The following TENM2 variants were observed in gnomAD, a reference collection of about 807,000 sequenced individuals.
TENM2 encodes the protein teneurin transmembrane protein 2.
TENM2 carries 52 observed loss-of-function variants against 245.2 expected under a neutral mutation model. That is an observed-to-expected ratio of 0.21 (90% CI 0.17 to 0.27). TENM2 has a LOEUF of 0.27. Ranked by LOEUF, TENM2 falls within the 10% of genes least tolerant of loss-of-function variation. TENM2 has a pLI of 1.00. For synonymous variants in TENM2, 1,363 were observed against 1,438.9 expected (o/e 0.95, Z 1.19); for missense variants, 3,046 against 3,666.8 (o/e 0.83, Z 4.37).
chr5:167,830,947 C>A (rs1207794689), intron 2 of TENM2, among the ~76,000 whole-genome samples: 1 of 152,096 alleles, frequency 6.6e-6, no homozygotes, highest in East Asian at 1.9e-4. Context: ...ATAGAAAATG[C>A]TTGTGTTGTT....
At chr5:168,086,104 T>C (rs904707276) in intron 7 of TENM2, among the ~76,000 whole-genome samples, 3 of 152,210 alleles carry the variant, frequency 2.0e-5, no homozygotes, top group African/African-American at 7.2e-5. Flanking sequence ...AGTCTGTCTT[T>C]AACCTTGCCC....
At chr5:167,974,084 AGGAAG>A (rs1283037398) in intron 4 of TENM2, among the ~76,000 whole-genome samples, 23 of 7,542 alleles carry the variant, frequency 3.0e-3, no homozygotes, top group Non-Finnish European at 3.7e-3. Context: ...GAAGGAAGGA[AGGAAG>A]GGAAGGAAGG....
At chr5:168,231,794 A>AAGTT (rs1764945517) in intron 25 of TENM2, among the ~76,000 whole-genome samples, 2 of 152,064 alleles carry the variant, frequency 1.3e-5, no homozygotes, top group African/African-American at 4.8e-5. Flanking sequence ...AAAAAAAAAA[A>AAGTT]AGTTTAAATA....
chr5:167,434,657 T>A (rs1764438468), intron 2 of TENM2, among the ~76,000 whole-genome samples: 1 of 152,104 alleles, frequency 6.6e-6, no homozygotes, highest in Admixed American at 6.5e-5. Context: ...CACAACACAA[T>A]ACTCTGTCTT....
chr5:168,205,724 C>T (rs1021606010), intron 19 of TENM2, among the ~76,000 whole-genome samples: 8 of 152,092 alleles, frequency 5.3e-5, no homozygotes, highest in Admixed American at 5.2e-4. Flanking sequence ...GGAAGGGTAC[C>T]TCAATGCATC....
At chr5:167,267,105 G>A in the TENM2 span, among the ~76,000 whole-genome samples, 4 of 152,124 alleles carry the variant, frequency 2.6e-5, no homozygotes, top group Non-Finnish European at 5.9e-5. Flanking sequence ...GCATGTTATC[G>A]TGCTGGTGAA....
intron 2 of TENM2, among the ~76,000 whole-genome samples, chr5:167,732,773 A>G (rs1582866887): frequency 6.6e-6 from 1 of 152,330 alleles, no homozygotes; most frequent in Admixed American, 6.5e-5. Flanking sequence ...CTCTGAACCA[A>G]TCTTTCCGAT....
At chr5:167,397,236 T>C (rs972341248) in intron 2 of TENM2, among the ~76,000 whole-genome samples, 17 of 150,990 alleles carry the variant, frequency 1.1e-4, no homozygotes, top group African/African-American at 4.1e-4. Context: ...TAGGAGAGAA[T>C]GCAGGAAAAT....
chr5:167,555,791 A>G (rs1025531667), intron 2 of TENM2, among the ~76,000 whole-genome samples: 8 of 152,148 alleles, frequency 5.3e-5, no homozygotes, highest in African/African-American at 1.9e-4. Flanking sequence ...CGTAGCAACT[A>G]AATTCTGGGC....
intron 2 of TENM2, among the ~76,000 whole-genome samples, chr5:167,835,105 G>A (rs1438207713): frequency 2.6e-5 from 4 of 152,162 alleles, no homozygotes; most frequent in Middle Eastern, 6.4e-3. Flanking sequence ...TTTAAGGTGA[G>A]GTTATAAAAA....
chr5:168,202,203 T>A (rs533234403), intron 17 of TENM2, among the ~76,000 whole-genome samples: 1 of 152,336 alleles, frequency 6.6e-6, no homozygotes, highest in Non-Finnish European at 1.5e-5. Context: ...AGATGCTTTC[T>A]CCTTAACTAC....
rs115647773 is a variant in TENM2, at chr5:168,169,088, C to T, written c.2569+6331C>T. On this transcript the variant is annotated intron_variant, in intron 13 of 28. Transcript: ENST00000518659. ...GACAGAGATGGACCATCTTATTAGACGGCAATAGTTCAGTGGGAGCATAGC... is the reference window on the plus strand; with the variant it reads ...GACAGAGATGGACCATCTTATTAGATGGCAATAGTTCAGTGGGAGCATAGC... 4.3e-3 allele frequency among the ~76,000 whole-genome samples: 652 copies of T among 152,208 alleles called. 1 individual carries two copies. The highest frequency in any genetic ancestry group is 0.014 in the African/African-American group (591 of 41,528).
chr5:167,447,620 G>A (rs1765310109), intron 2 of TENM2, among the ~76,000 whole-genome samples: 1 of 152,144 alleles, frequency 6.6e-6, no homozygotes, highest in Non-Finnish European at 1.5e-5. Context: ...AACCTGAAGA[G>A]TAACACCTGA....
At chr5:167,057,349 T>C in the TENM2 span, among the ~76,000 whole-genome samples, 1 of 152,206 alleles carries the variant, frequency 6.6e-6, no homozygotes, top group African/African-American at 2.4e-5. Context: ...CTGATGCTTG[T>C]ACAGTCTCTT....
chr5:167,864,128 G>A (rs1344622071), intron 2 of TENM2, among the ~76,000 whole-genome samples: 1 of 152,160 alleles, frequency 6.6e-6, no homozygotes, highest in East Asian at 1.9e-4. Context: ...GGGCAGCATA[G>A]AGATAAAACA....
At chr5:167,799,153 C>G (rs1765524876) in intron 2 of TENM2, among the ~76,000 whole-genome samples, 1 of 152,124 alleles carries the variant, frequency 6.6e-6, no homozygotes, top group Non-Finnish European at 1.5e-5. Flanking sequence ...GCTTATGACC[C>G]GATATTCTGG....
intron 2 of TENM2, among the ~76,000 whole-genome samples, chr5:167,690,923 A>ATGTGTGTGTGTGTG (rs375456466): frequency 3.8e-5 from 3 of 78,732 alleles, no homozygotes; most frequent in Admixed American, 3.0e-4. Context: ...ATATGCGAGT[A>ATGTGTGTGTGTGTG]TGTGTGTGTG....
chr5:167,127,823 T>G, the TENM2 span, among the ~76,000 whole-genome samples: 7 of 152,248 alleles, frequency 4.6e-5, no homozygotes, highest in South Asian at 1.5e-3. Flanking sequence ...CTCCATGAGG[T>G]GCCTCTTTGG....
the TENM2 span, among the ~76,000 whole-genome samples, chr5:167,229,630 G>A: frequency 6.6e-6 from 1 of 152,176 alleles, no homozygotes; most frequent in Non-Finnish European, 1.5e-5. Context: ...CAGAGCCCAA[G>A]GGAAGTTTCA....
Sources: allele counts gnomAD v4.1 joint callset (sites outside exome capture counted in the v4.1 genomes callset), GRCh38; gene constraint gnomAD v4.1.1; transcripts MANE v1.5; gene names NCBI Gene and HGNC (gene_info 2026-07-23, HGNC 2026-07-21).